RPIA: variants seen among roughly 807,000 people sequenced by gnomAD.
RPIA encodes ribose-5-phosphate isomerase.
A neutral mutation model predicts 37.8 loss-of-function variants in RPIA; 29 were observed. That is an observed-to-expected ratio of 0.77 (90% CI 0.57 to 1.05). The LOEUF (loss-of-function observed/expected upper bound fraction) is 1.05, where lower values mean the gene tolerates loss of function less well. Ranked by LOEUF, RPIA falls within the 50% of genes least tolerant of loss-of-function variation. The pLI is 0.00. For synonymous variants in RPIA, 167 were observed against 157.0 expected (o/e 1.06, Z -0.48); for missense variants, 385 against 413.6 (o/e 0.93, Z 0.60).
chr2:88,738,622 T>C (rs200584662), intron 8 of RPIA, among the ~76,000 whole-genome samples: 2 of 152,302 alleles, frequency 1.3e-5, no homozygotes, highest in Middle Eastern at 6.8e-3. Context: ...ACAAATAAGA[T>C]AGAATGTGCT....
At chr2:88,735,782 G>T in intron 6 of RPIA, 45 bp downstream of exon 6, 1 of 1,581,392 alleles carries the variant, frequency 6.3e-7, no homozygotes. Flanking sequence ...AGGTAGATTG[G>T]ATCCCCAAGC....
rs1335567524 is a variant in RPIA, at chr2:88,750,003, C to T, written c.861C>T (p.Phe287=). ...MIPGVVDTGL[F]INMAERVYFG... ...CAGGTGTGGTGGACACAGGCCTATT[C>T]ATCAACATGGCTGAGAGAGTCTACT... The change falls in exon 9 of 9, where the codon TTC becomes TTT. Residue 287 remains phenylalanine, a synonymous_variant. Coordinates refer to ENST00000283646, the MANE Select transcript of RPIA (RefSeq NM_144563.3). 1 of 1,612,916 alleles carries T rather than the reference C, an allele frequency of 6.2e-7. No individual in the cohort carries two copies. The highest frequency in any genetic ancestry group is 8.5e-7 in the Non-Finnish European group (1 of 1,179,212).
chr2:88,724,755 A>T (rs1047710997), intron 3 of RPIA, among the ~76,000 whole-genome samples: 1 of 152,202 alleles, frequency 6.6e-6, no homozygotes, highest in Non-Finnish European at 1.5e-5. Flanking sequence ...TTAACTTTAA[A>T]GGTAGAAGGT....
chr2:88,736,616 C>A lies in RPIA; in HGVS notation c.678C>A (p.Ser226Arg), dbSNP rs556128911. Reference sequence around the variant, plus strand: ...TCCCAATGGCCTATGTCCCAGTGAGCCGAGCTGTGAGCCAGAAGTTTGGGG... The same window carrying A: ...TCCCAATGGCCTATGTCCCAGTGAGACGAGCTGTGAGCCAGAAGTTTGGGG... ...EVIPMAYVPV[S>R]RAVSQKFGGV... The change falls in exon 7 of 9, where the codon AGC (serine) becomes AGA (arginine). Residue 226 changes from serine (S) to arginine (R), a missense_variant. Ser to Arg is a moderately radical substitution (Grantham distance 110). Coordinates refer to ENST00000283646, the MANE Select transcript of RPIA (RefSeq NM_144563.3). The A allele has an allele frequency of 2.5e-6, 4 of 1,614,092 alleles. No individual in the cohort carries two copies. In the South Asian group the frequency reaches 4.4e-5, roughly 18 times the overall value.
chr2:88,712,910 C>T (rs1030312875), intron 3 of RPIA, among the ~76,000 whole-genome samples: 1 of 151,594 alleles, frequency 6.6e-6, no homozygotes, highest in Non-Finnish European at 1.5e-5. Context: ...CTGTTGTCAT[C>T]CAGGCTGGAG....
intron 3 of RPIA, among the ~76,000 whole-genome samples, chr2:88,702,589 C>T (rs1404603352): frequency 1.3e-5 from 2 of 149,000 alleles, no homozygotes; most frequent in East Asian, 3.8e-4. Context: ...ATGAGAACAG[C>T]GTGGAGGAAA....
At chr2:88,706,467 A>G (rs958797763) in intron 3 of RPIA, among the ~76,000 whole-genome samples, 3 of 145,538 alleles carry the variant, frequency 2.1e-5, no homozygotes, top group African/African-American at 7.7e-5. Context: ...AAAACCAAAC[A>G]TTGCATGTTC....
Position 88,734,604 on chromosome 2 carries a change from T to C in RPIA, c.515T>C (p.Ile172Thr), listed in dbSNP as rs771634417. 2.2e-5 allele frequency: 35 copies of C among 1,613,972 alleles called. No homozygotes were observed. Among genetic ancestry groups the C allele is most frequent in the African/African-American group, 4.0e-5 (3 of 74,918 alleles). Residue 172 changes from isoleucine to threonine, a missense_variant, in exon 5 of 9, where the codon ATC becomes ACC. Transcript: ENST00000283646. ...GAAGTAGATGCTGATCTCAATCTCA[T>C]CAAGGGTGGCGGGTGAGTGTTGTGG... ...ADEVDADLNL[I>T]KGGGGCLTQE...
intron 8 of RPIA, 140 bp from the exon 9 acceptor site, chr2:88,749,841 T>A: frequency 1.5e-6 from 1 of 653,824 alleles, no homozygotes; most frequent in Admixed American, 2.1e-5. Flanking sequence ...TTTTCATTGC[T>A]CTGTGGGAGA....
chr2:88,707,299 G>T (rs954371087), intron 3 of RPIA, among the ~76,000 whole-genome samples: 3 of 148,970 alleles, frequency 2.0e-5, no homozygotes, highest in Non-Finnish European at 4.4e-5. Flanking sequence ...CTTTTCTTGT[G>T]ATTTTCTTTT....
At chr2:88,706,049 A>G (rs944570724) in intron 3 of RPIA, among the ~76,000 whole-genome samples, 2 of 152,176 alleles carry the variant, frequency 1.3e-5, no homozygotes, top group Admixed American at 6.5e-5. Context: ...TAAAAAGTCA[A>G]GAAACAACAG....
chr2:88,710,583 C>T (rs1000731605), intron 3 of RPIA, among the ~76,000 whole-genome samples: 34 of 152,222 alleles, frequency 2.2e-4, no homozygotes, highest in Non-Finnish European at 2.4e-4. Context: ...CAGTTGTGCA[C>T]GTAAATAATT....
At chr2:88,708,690 A>G (rs1023849709) in intron 3 of RPIA, among the ~76,000 whole-genome samples, 1 of 152,082 alleles carries the variant, frequency 6.6e-6, no homozygotes, top group Non-Finnish European at 1.5e-5. Context: ...CTCTTGGGTT[A>G]AGCAAAACCA....
At chr2:88,692,464 C>CT (rs1250826542) in intron 1 of RPIA, among the ~76,000 whole-genome samples, 1 of 152,166 alleles carries the variant, frequency 6.6e-6, no homozygotes, top group Non-Finnish European at 1.5e-5. Flanking sequence ...CCTGAGTGTA[C>CT]TCTTGGAGGG....
intron 1 of RPIA, among the ~76,000 whole-genome samples, chr2:88,694,992 A>G (rs1672710285): frequency 6.7e-6 from 1 of 150,146 alleles, no homozygotes; most frequent in Middle Eastern, 3.4e-3. Context: ...AAAAAAAAAA[A>G]AAAGAAAAAG....
chr2:88,716,911 C>T (rs1266969763), intron 3 of RPIA, among the ~76,000 whole-genome samples: 1 of 152,112 alleles, frequency 6.6e-6, no homozygotes, highest in East Asian at 1.9e-4. Flanking sequence ...TCAGAGGAAA[C>T]TCTCCATTTT....
intron 3 of RPIA, among the ~76,000 whole-genome samples, chr2:88,723,334 A>T (rs1184996075): frequency 6.6e-6 from 1 of 152,226 alleles, no homozygotes; most frequent in Non-Finnish European, 1.5e-5. Context: ...ACAACAAAAA[A>T]TGTTAAACTC....
chr2:88,697,698 T>G (rs926448971), intron 1 of RPIA, among the ~76,000 whole-genome samples: 4 of 152,244 alleles, frequency 2.6e-5, no homozygotes, highest in Non-Finnish European at 5.9e-5. Flanking sequence ...TTTATTATGA[T>G]CCTTTCTATT....
At chr2:88,714,243 T>C (rs543852001) in intron 3 of RPIA, among the ~76,000 whole-genome samples, 1 of 152,252 alleles carries the variant, frequency 6.6e-6, no homozygotes, top group South Asian at 2.1e-4. Flanking sequence ...CGATCTGGGC[T>C]CACTGCAACC....
Sources: allele counts gnomAD v4.1 joint callset (sites outside exome capture counted in the v4.1 genomes callset), GRCh38; gene constraint gnomAD v4.1.1; transcripts MANE v1.5; gene names NCBI Gene and HGNC (gene_info 2026-07-23, HGNC 2026-07-21).